Variants in ZNF577 observed in about 807,000 individuals in gnomAD.
The protein encoded by ZNF577 is zinc finger protein 577.
Under a neutral mutation model 13.9 loss-of-function variants are expected in ZNF577, and 14 were observed. That is an observed-to-expected ratio of 1.00 (90% CI 0.66 to 1.57). The LOEUF (loss-of-function observed/expected upper bound fraction) is 1.57. Among genes scored for constraint, ZNF577 ranks in the 40% most tolerant of loss-of-function variants. The pLI is 0.00. For missense variants in ZNF577, 555 were observed against 579.2 expected, an observed-to-expected ratio of 0.96 and a Z score of 0.43; for synonymous variants, 203 against 202.9, an observed-to-expected ratio of 1.00 and a Z score of 0.00.
intron 5 of ZNF577, among the ~76,000 whole-genome samples, chr19:51,854,769 T>C (rs2084401236): frequency 1.3e-5 from 2 of 152,164 alleles, no homozygotes; most frequent in African/African-American, 2.4e-5. Context: ...TCATTACATA[T>C]GTGTTGGTGT....
downstream of ZNF577, chr19:51,862,751 T>A (rs1434797295): frequency 6.6e-6 from 1 of 152,290 alleles, no homozygotes; most frequent in Non-Finnish European, 1.5e-5. Context: ...ATCTCTCCTG[T>A]GTGAATTCAC....
chr19:51,859,124 A>C (rs780270902), intron 5 of ZNF577, among the ~76,000 whole-genome samples: 31 of 152,172 alleles, frequency 2.0e-4, no homozygotes, highest in Non-Finnish European at 4.0e-4. Context: ...TCTTTCACTC[A>C]GTATGTTTTT....
In ZNF577 at chr19:51,887,412, C is replaced by A. The variant is rs987309132; in HGVS notation, c.-810G>T. 4 of 152,266 alleles carry A rather than the reference C, an allele frequency of 2.6e-5. No homozygotes were observed. The highest frequency in any genetic ancestry group is 9.6e-5 in the African/African-American group (4 of 41,542). The allele number at this position is 152,266 out of a possible 1,614,324, so 9.4% of individuals were successfully genotyped here. On this transcript the variant is annotated 5_prime_UTR_variant, in exon 1 of 6. An upstream open reading frame in the 5' UTR gains an earlier in-frame stop. Coordinates refer to ENST00000638348, the MANE Select transcript of ZNF577 (RefSeq NM_001370449.1). ...AAATACACTAAACCAGAGTTATTTT[C>A]TGGAGGAGTATTTAAAATGATGGGG...
intron 6 of ZNF577, among the ~76,000 whole-genome samples, chr19:51,843,606 G>T (rs781172136): frequency 6.6e-6 from 1 of 152,198 alleles, no homozygotes; most frequent in Non-Finnish European, 1.5e-5. Context: ...AGCATTTAAT[G>T]TAATTCATTA....
At chr19:51,828,431 T>G (rs1300510537) in intron 9 of ZNF577, among the ~76,000 whole-genome samples, 1 of 151,694 alleles carries the variant, frequency 6.6e-6, no homozygotes, top group Non-Finnish European at 1.5e-5. Flanking sequence ...AAAACCTAGA[T>G]AGGAGAGCCA....
chr19:51,864,951 G>A (rs2084543644), downstream of ZNF577, among the ~76,000 whole-genome samples: 1 of 152,104 alleles, frequency 6.6e-6, no homozygotes, highest in African/African-American at 2.4e-5. Flanking sequence ...CAGAAAAGAG[G>A]CCAACTTAAG....
At chr19:51,838,271 T>A (rs1160339969) in intron 9 of ZNF577, among the ~76,000 whole-genome samples, 1 of 152,098 alleles carries the variant, frequency 6.6e-6, no homozygotes, top group Non-Finnish European at 1.5e-5. Context: ...ACATACACAA[T>A]TCTAGATGGA....
intron 9 of ZNF577, among the ~76,000 whole-genome samples, chr19:51,823,054 A>C (rs572575716): frequency 6.6e-6 from 1 of 152,002 alleles, no homozygotes; most frequent in East Asian, 1.9e-4. Flanking sequence ...GTAGAGATGG[A>C]GTTTCACCAT....
At chr19:51,857,737 T>A (rs1382476971) in intron 5 of ZNF577, among the ~76,000 whole-genome samples, 1 of 151,852 alleles carries the variant, frequency 6.6e-6, no homozygotes, top group East Asian at 1.9e-4. Flanking sequence ...ACCAGAAATA[T>A]ACAGATACAT....
chr19:51,832,920 A>C (rs1017943866), intron 9 of ZNF577, among the ~76,000 whole-genome samples: 2 of 152,212 alleles, frequency 1.3e-5, no homozygotes, highest in African/African-American at 4.8e-5. Context: ...CTGTCTTGAT[A>C]ATTGTAGCTT....
intron 1 of ZNF577, among the ~76,000 whole-genome samples, chr19:51,882,173 A>AT (rs1391413075): frequency 6.6e-6 from 1 of 152,216 alleles, no homozygotes; most frequent in African/African-American, 2.4e-5. Flanking sequence ...AGAAAAGGCC[A>AT]TTACGCATGA....
At chr19:51,855,592 C>G (rs2084410700) in intron 5 of ZNF577, among the ~76,000 whole-genome samples, 1 of 152,018 alleles carries the variant, frequency 6.6e-6, no homozygotes, top group Non-Finnish European at 1.5e-5. Flanking sequence ...TTTAAGAGTT[C>G]CCTATTAACA....
At chr19:51,821,137 A>G (rs1294361833) in intron 9 of ZNF577, among the ~76,000 whole-genome samples, 2 of 152,232 alleles carry the variant, frequency 1.3e-5, no homozygotes, top group African/African-American at 4.8e-5. Context: ...TTCCATGTCC[A>G]GTCTCACTTA....
intron 5 of ZNF577, among the ~76,000 whole-genome samples, chr19:51,876,688 G>A (rs2084769370): frequency 6.6e-6 from 1 of 152,116 alleles, no homozygotes; most frequent in Non-Finnish European, 1.5e-5. Flanking sequence ...AGCACTTTGG[G>A]AGGCCAAGGT....
rs201639282 is a variant in ZNF577, at chr19:51,813,395, G to A, written c.*600-1721C>T. On this transcript the variant is annotated intron_variant and NMD_transcript_variant, in intron 9 of 10. Transcript: ENST00000638827. ...CCTTTTAATACCATCACCTTGGTATGAGCAACCTCATTTATATTTTTATTT... is the reference window on the plus strand; with the variant it reads ...CCTTTTAATACCATCACCTTGGTATAAGCAACCTCATTTATATTTTTATTT... Among the ~76,000 whole-genome samples the A allele has an allele frequency of 5.3e-5, 8 of 152,128 alleles. No homozygotes were observed. The East Asian group carries it at 1.4e-3, about 26-fold the overall frequency.
intron 8 of ZNF577, among the ~76,000 whole-genome samples, chr19:51,842,343 G>A (rs1490587086): frequency 6.6e-6 from 1 of 152,178 alleles, no homozygotes; most frequent in Non-Finnish European, 1.5e-5. Flanking sequence ...CCTAATGGGA[G>A]GTGTCTAGGT....
Position 51,867,354 on chromosome 19 carries a change from T to G in ZNF577, c.*5178A>C, listed in dbSNP as rs192021407. ...AAGGTATGATCTAGATATTGTCTTT[T>G]CTGATTCTGAACATCGGACAAAAGA... On this transcript the variant is annotated 3_prime_UTR_variant, in exon 6 of 6. Coordinates refer to ENST00000638348, the MANE Select transcript of ZNF577 (RefSeq NM_001370449.1). Among the ~76,000 whole-genome samples the G allele has an allele frequency of 1.6e-3, 248 of 152,302 alleles. 1 individual carries two copies. Among genetic ancestry groups the G allele is most frequent in the Non-Finnish European group, 3.0e-3 (204 of 68,020 alleles).
Position 51,824,016 on chromosome 19 carries a change from A to C in ZNF577, c.*600-12342T>G. ...AATGGTCTCAGTCGCCATGAGAGAAAAATGGCCTTTTGGCTCATTCCTATG... is the reference window on the plus strand; with the variant it reads ...AATGGTCTCAGTCGCCATGAGAGAACAATGGCCTTTTGGCTCATTCCTATG... On this transcript the variant is annotated intron_variant and NMD_transcript_variant, in intron 9 of 10. Transcript: ENST00000638827. The surrounding 1 kb of genome is among the most constrained non-coding windows in gnomAD (Gnocchi z 4.7). The C allele has an allele frequency of 1.2e-6, 2 of 1,614,098 alleles. No individual in the cohort carries two copies. Among genetic ancestry groups the C allele is most frequent in the Non-Finnish European group, 1.7e-6 (2 of 1,180,000 alleles).
chr19:51,848,032 G>C (rs1005265558), intron 5 of ZNF577, among the ~76,000 whole-genome samples: 4 of 152,158 alleles, frequency 2.6e-5, no homozygotes, highest in African/African-American at 4.8e-5. Context: ...CACCATCTTG[G>C]AAGACGCAGT....
Sources: allele counts gnomAD v4.1 joint callset (sites outside exome capture counted in the v4.1 genomes callset), GRCh38; gene constraint gnomAD v4.1.1; non-coding constraint Gnocchi (gnomAD v3.1); transcripts MANE v1.5; gene names NCBI Gene and HGNC (gene_info 2026-07-23, HGNC 2026-07-21).